Variants in FAM13C observed in about 807,000 individuals in gnomAD.
The protein encoded by FAM13C is family with sequence similarity 13 member C.
FAM13C carries 37 observed loss-of-function variants against 73.2 expected under a neutral mutation model. The observed-to-expected ratio is 0.51, with a 90% confidence interval of 0.39 to 0.67. The LOEUF (loss-of-function observed/expected upper bound fraction) is 0.67, where lower values mean the gene tolerates loss of function less well. Among genes scored for constraint, FAM13C ranks in the 30% least tolerant of loss-of-function variants. FAM13C has a pLI of 0.00. For missense variants in FAM13C, 589 were observed against 715.6 expected (o/e 0.82, Z 2.02); for synonymous variants, 246 against 260.9 (o/e 0.94, Z 0.55).
chr10:59,280,994 A>G (rs180970341), intron 6 of FAM13C, among the ~76,000 whole-genome samples: 3 of 152,344 alleles, frequency 2.0e-5, no homozygotes, highest in African/African-American at 4.8e-5. Context: ...GTTCAAAATC[A>G]CGGATTTTGT....
rs114563947 is a variant in FAM13C at position 59,343,567 on chromosome 10, G to A, written c.324+8703C>T. Among the ~76,000 whole-genome samples, 460 of 152,266 alleles carry A rather than the reference G, an allele frequency of 3.0e-3. 3 individuals carry two copies. Among genetic ancestry groups the A allele is most frequent in the African/African-American group, 0.011 (438 of 41,522 alleles). On this transcript the variant is annotated intron_variant, in intron 3 of 13. Coordinates refer to ENST00000618804, the MANE Select transcript of FAM13C (RefSeq NM_198215.4). ...CATTGAGTTATGGGGTTATGGTTAC[G>A]GCAAAGCATTGACCAGCTCTGGACA... is the stretch of plus-strand genomic sequence containing the variant.
At chr10:59,320,766 T>C (rs1850128208) in intron 4 of FAM13C, among the ~76,000 whole-genome samples, 1 of 152,202 alleles carries the variant, frequency 6.6e-6, no homozygotes, top group African/African-American at 2.4e-5. Context: ...GCTGGCCACC[T>C]TTGGCCACAA....
At chr10:59,307,247 T>C (rs1016376012) in intron 4 of FAM13C, among the ~76,000 whole-genome samples, 3 of 152,018 alleles carry the variant, frequency 2.0e-5, no homozygotes, top group African/African-American at 7.2e-5. Context: ...GGTGAGATAA[T>C]TATGATGGTG....
intron 4 of FAM13C, among the ~76,000 whole-genome samples, chr10:59,304,141 C>T (rs1847935862): frequency 6.6e-6 from 1 of 152,120 alleles, no homozygotes; most frequent in South Asian, 2.1e-4. Flanking sequence ...GAGTGAGACT[C>T]AGTCTCAAAA....
At chr10:59,356,775 G>A (rs1446998767) in intron 1 of FAM13C, among the ~76,000 whole-genome samples, 1 of 152,160 alleles carries the variant, frequency 6.6e-6, no homozygotes, top group Non-Finnish European at 1.5e-5. Flanking sequence ...CTGTGAGGGT[G>A]TTGCCAAAGG....
chr10:59,278,980 A>G (rs1048195459), intron 6 of FAM13C, among the ~76,000 whole-genome samples: 9 of 152,242 alleles, frequency 5.9e-5, no homozygotes, highest in Non-Finnish European at 7.3e-5. Flanking sequence ...AGGCTGAAAT[A>G]TCAAGTTTTA....
chr10:59,324,178 G>A, intron 3 of FAM13C, 72 bp from the exon 4 acceptor site: 2 of 1,231,826 alleles, frequency 1.6e-6, no homozygotes, highest in Non-Finnish European at 2.3e-6. Context: ...TATGCTGGAA[G>A]TGGGTCTCGG....
chr10:59,262,357 C>T (rs906806502), intron 10 of FAM13C, 77 bp downstream of exon 10: 82 of 1,326,124 alleles, frequency 6.2e-5, no homozygotes, highest in Non-Finnish European at 8.4e-5. Flanking sequence ...TGGCAAAGTG[C>T]TCTGACAAAT....
intron 6 of FAM13C, among the ~76,000 whole-genome samples, chr10:59,276,330 A>G (rs563460061): frequency 6.6e-6 from 1 of 152,336 alleles, no homozygotes; most frequent in South Asian, 2.1e-4. Flanking sequence ...TGTAAGCATT[A>G]TCAACTGGAG....
At chr10:59,299,508 T>C (rs1281729878) in intron 5 of FAM13C, among the ~76,000 whole-genome samples, 1 of 141,488 alleles carries the variant, frequency 7.1e-6, no homozygotes, top group African/African-American at 2.6e-5. Context: ...GGACCCAATA[T>C]GGCTTTTTTT....
rs556063900 is a variant in FAM13C, at chr10:59,327,158, G to A, written c.325-3052C>T. Among the ~76,000 whole-genome samples the A allele has an allele frequency of 1.3e-4, 20 of 151,880 alleles. 1 individual carries two copies. In the South Asian group the frequency reaches 1.7e-3, roughly 13 times the overall value. On this transcript the variant is annotated intron_variant, in intron 3 of 13. Coordinates refer to ENST00000618804, the MANE Select transcript of FAM13C (RefSeq NM_198215.4). ...AACAACACAAGACGTCCCGACCCAA[G>A]TACCTTACAGGGAATAGGGGAGGAA...
At chr10:59,321,476 T>C (rs1338881868) in intron 4 of FAM13C, among the ~76,000 whole-genome samples, 2 of 142,834 alleles carry the variant, frequency 1.4e-5, no homozygotes, top group Admixed American at 7.6e-5. Context: ...GGGAGACATA[T>C]GTAGGACTTC....
chr10:59,265,703 T>G (rs937582489), intron 8 of FAM13C, among the ~76,000 whole-genome samples: 1 of 152,170 alleles, frequency 6.6e-6, no homozygotes, highest in African/African-American at 2.4e-5. Context: ...GCATAGAACT[T>G]AGAAGAAATT....
At chr10:59,357,698 A>C (rs1160152670) in intron 1 of FAM13C, among the ~76,000 whole-genome samples, 1 of 152,228 alleles carries the variant, frequency 6.6e-6, no homozygotes, top group Admixed American at 6.5e-5. Flanking sequence ...TGAGATACTT[A>C]CTCCCTATTT....
chr10:59,266,199 A>G (rs1256851834), intron 8 of FAM13C, among the ~76,000 whole-genome samples: 1 of 152,178 alleles, frequency 6.6e-6, no homozygotes, highest in Non-Finnish European at 1.5e-5. Context: ...TTCCAATTCT[A>G]ACATTCCCTG....
At chr10:59,354,158 T>C (rs1768419113) in intron 2 of FAM13C, among the ~76,000 whole-genome samples, 1 of 152,244 alleles carries the variant, frequency 6.6e-6, no homozygotes, top group Non-Finnish European at 1.5e-5. Context: ...AATGACTCTT[T>C]TGATAGACTC....
intron 3 of FAM13C, among the ~76,000 whole-genome samples, chr10:59,324,506 A>G (rs936664438): frequency 1.3e-5 from 2 of 151,684 alleles, no homozygotes; most frequent in Admixed American, 6.6e-5. Flanking sequence ...GTTCACACAT[A>G]CTCACACACA....
chr10:59,253,060 A>G lies in FAM13C; in HGVS notation c.1333-62T>C, dbSNP rs551007548. On this transcript the variant is annotated intron_variant, in intron 11 of 13. Transcript: ENST00000618804. ...AATGCTCAGTGCCTCTTGAGGAAAC[A>G]AAAACAGGAAGGGGAACTATAAATC... The G allele has an allele frequency of 1.1e-5, 17 of 1,521,652 alleles. No individual in the cohort carries two copies. The South Asian group carries it at 1.8e-4, about 16-fold the overall frequency. 94.3% of individuals were successfully genotyped at this position (1,521,652 alleles called of 1,614,324 possible).
intron 3 of FAM13C, among the ~76,000 whole-genome samples, chr10:59,346,191 C>A (rs1298930930): frequency 7.2e-5 from 7 of 97,176 alleles, no homozygotes; most frequent in African/African-American, 2.3e-4. Context: ...AATCTTAGTT[C>A]TTTTGTAGGG....
Sources: allele counts gnomAD v4.1 joint callset (sites outside exome capture counted in the v4.1 genomes callset), GRCh38; gene constraint gnomAD v4.1.1; transcripts MANE v1.5; gene names NCBI Gene and HGNC (gene_info 2026-07-23, HGNC 2026-07-21).